Variants in ZNF454 observed in about 807,000 individuals in gnomAD.
ZNF454 encodes zinc finger protein 454.
Under a neutral mutation model 48.2 loss-of-function variants are expected in ZNF454, and 30 were observed. The ratio of observed to expected loss-of-function variants is 0.62; its 90% confidence interval spans 0.47 to 0.84. The LOEUF (loss-of-function observed/expected upper bound fraction) is 0.84. Among genes scored for constraint, ZNF454 ranks in the 40% least tolerant of loss-of-function variants. The pLI is 0.00. For synonymous variants in ZNF454, 204 were observed against 211.4 expected (o/e 0.97, Z 0.30); for missense variants, 510 against 623.1 (o/e 0.82, Z 1.93).
intron 4 of ZNF454, among the ~76,000 whole-genome samples, chr5:178,956,439 C>T (rs1759750947): frequency 6.7e-6 from 1 of 148,396 alleles, no homozygotes; most frequent in Admixed American, 6.8e-5. Context: ...CAGTCTTCAA[C>T]ACAGTTCTCC....
the ZNF454 span, chr5:178,989,309 G>T: frequency 6.2e-6 from 10 of 1,613,120 alleles, no homozygotes; most frequent in Non-Finnish European, 7.6e-6. Context: ...ACCTGAGCTG[G>T]TCAGTTTGCA....
the ZNF454 span, chr5:178,989,202 CCCCTCCCCA>C: frequency 0.52 from 679,115 of 1,315,070 alleles, 171,146 homozygotes; most frequent in Non-Finnish European, 0.53. Flanking sequence ...TCCCGCCTTC[CCCCTCCCCA>C]CCCTCACCAC....
chr5:178,967,457 T>G (rs1323950314), downstream of ZNF454, among the ~76,000 whole-genome samples: 2 of 152,334 alleles, frequency 1.3e-5, no homozygotes, highest in African/African-American at 4.8e-5. Flanking sequence ...TCTAGGTTTC[T>G]GGAGGTAGTA....
chr5:178,949,041 A>ATTTATTT (rs1369649181), intron 4 of ZNF454, among the ~76,000 whole-genome samples: 2 of 149,414 alleles, frequency 1.3e-5, no homozygotes, highest in Admixed American at 6.7e-5. Flanking sequence ...GCTAATTTTT[A>ATTTATTT]TTTATTTTTT....
the ZNF454 span, chr5:178,980,400 T>C: frequency 6.5e-6 from 1 of 154,496 alleles, no homozygotes; most frequent in East Asian, 1.9e-4. The surrounding 1 kb of genome is among the most constrained non-coding windows in gnomAD (Gnocchi z 4.3). Flanking sequence ...AGCTTGCAAA[T>C]GGACTTCCCA....
chr5:178,959,304 C>T (rs923800186), intron 4 of ZNF454, among the ~76,000 whole-genome samples: 10 of 152,146 alleles, frequency 6.6e-5, no homozygotes, highest in African/African-American at 2.2e-4. Context: ...TTCCGGGTTC[C>T]ATAATCTGTT....
chr5:178,968,948 C>T (rs1191783800), downstream of ZNF454: 1 of 446,904 alleles, frequency 2.2e-6, no homozygotes, highest in Admixed American at 2.4e-5. Flanking sequence ...GAAGACAGTG[C>T]ACTCTCCCTG....
At chr5:178,985,674 G>T in the ZNF454 span, 32 of 400,886 alleles carry the variant, frequency 8.0e-5, 1 homozygote, top group Admixed American at 1.6e-4. Context: ...CTGCACTCCA[G>T]CCTGGGCGAC....
At chr5:178,972,542 C>T in the ZNF454 span, among the ~76,000 whole-genome samples, 1 of 152,114 alleles carries the variant, frequency 6.6e-6, no homozygotes, top group Admixed American at 6.6e-5. Context: ...GTGAGGTTCA[C>T]CCATACCACA....
chr5:178,989,485 A>G, the ZNF454 span: 5 of 1,578,984 alleles, frequency 3.2e-6, no homozygotes, highest in South Asian at 4.4e-5. Context: ...CCACTTGCTC[A>G]CTTTCAGCTA....
At chr5:178,986,551 T>C in the ZNF454 span, 2 of 1,607,536 alleles carry the variant, frequency 1.2e-6, no homozygotes, top group Non-Finnish European at 1.7e-6. Flanking sequence ...GCAGCCCGTG[T>C]GGTTGGGCGT....
At chr5:178,957,029 G>C (rs1353006802) in intron 4 of ZNF454, 1 of 170,456 alleles carries the variant, frequency 5.9e-6, no homozygotes, top group Non-Finnish European at 1.3e-5. Context: ...GACTACAGGC[G>C]CCTGCCACCA....
the ZNF454 span, chr5:178,985,718 A>AACAC: frequency 7.1e-6 from 3 of 420,702 alleles, no homozygotes; most frequent in African/African-American, 4.3e-5. Flanking sequence ...AAAAAAACAA[A>AACAC]ACAACACAGG....
At chr5:178,984,507 C>G in the ZNF454 span, among the ~76,000 whole-genome samples, 2 of 152,168 alleles carry the variant, frequency 1.3e-5, no homozygotes, top group African/African-American at 2.4e-5. Context: ...TTTTAAAGAT[C>G]CCTTGTATCT....
chr5:178,967,717 GTT>G (rs10610959), downstream of ZNF454, among the ~76,000 whole-genome samples: 43,231 of 126,182 alleles, frequency 0.34, 7,029 homozygotes, highest in East Asian at 0.43. Context: ...CCTTTACCCT[GTT>G]TTTTTTTTTT....
intron 4 of ZNF454, among the ~76,000 whole-genome samples, chr5:178,958,008 G>A (rs928369741): frequency 2.0e-5 from 3 of 152,092 alleles, no homozygotes; most frequent in African/African-American, 4.8e-5. Flanking sequence ...ATAGATGTCA[G>A]TATCCAATAG....
the ZNF454 span, chr5:178,978,418 A>G: frequency 6.6e-6 from 1 of 152,252 alleles, no homozygotes; most frequent in African/African-American, 2.4e-5. Context: ...GTAATAAATT[A>G]AAGGGAAATT....
chr5:178,981,932 C>T, the ZNF454 span: 2 of 917,964 alleles, frequency 2.2e-6, no homozygotes, highest in African/African-American at 1.6e-5. This position sits in a 1 kb window ranked among gnomAD's most constrained non-coding sequence, Gnocchi z 5.1. Flanking sequence ...TCACCACATA[C>T]TCTGGAGCTG....
At chr5:178,984,173 C>A in the ZNF454 span, among the ~76,000 whole-genome samples, 1 of 151,470 alleles carries the variant, frequency 6.6e-6, no homozygotes, top group South Asian at 2.1e-4. Context: ...AACAAGGCTC[C>A]AGGTGGAAAA....
Sources: allele counts gnomAD v4.1 joint callset (sites outside exome capture counted in the v4.1 genomes callset), GRCh38; gene constraint gnomAD v4.1.1; non-coding constraint Gnocchi (gnomAD v3.1); transcripts MANE v1.5; gene names NCBI Gene and HGNC (gene_info 2026-07-23, HGNC 2026-07-21).